KMT2A: variants seen among roughly 807,000 people sequenced by gnomAD.
KMT2A encodes lysine methyltransferase 2A, also known as histone-lysine N-methyltransferase 2A.
KMT2A carries 16 observed loss-of-function variants against 345.3 expected under a neutral mutation model. That is an observed-to-expected ratio of 0.05 (90% CI 0.03 to 0.07). KMT2A has a LOEUF of 0.07. Ranked by LOEUF, KMT2A falls within the 10% of genes least tolerant of loss-of-function variation. The probability of loss-of-function intolerance (pLI) is 1.00; values close to 1 mark genes in which losing one functional copy is unlikely to be tolerated. For synonymous variants in KMT2A, 1,599 were observed against 1,778.6 expected, an observed-to-expected ratio of 0.90 and a Z score of 2.54; for missense variants, 3,272 against 4,841.6, an observed-to-expected ratio of 0.68 and a Z score of 9.62.
At chr11:118,461,157 A>G (rs1229090124) in intron 1 of KMT2A, among the ~76,000 whole-genome samples, 4 of 152,176 alleles carry the variant, frequency 2.6e-5, no homozygotes, top group Non-Finnish European at 5.9e-5. Flanking sequence ...TTGTGGGAGA[A>G]ATATTCCTAT....
intron 1 of KMT2A, among the ~76,000 whole-genome samples, chr11:118,440,383 A>C (rs1020614735): frequency 6.6e-6 from 1 of 152,172 alleles, no homozygotes; most frequent in Non-Finnish European, 1.5e-5. Context: ...TAGTGTCAGT[A>C]TCCCATTTTT....
intron 15 of KMT2A, 110 bp from the exon 16 acceptor site, chr11:118,492,947 G>T: frequency 1.1e-5 from 9 of 814,574 alleles, no homozygotes; most frequent in South Asian, 2.2e-5. Flanking sequence ...ATGTTCCTTG[G>T]GTTTTACAAT....
Position 118,525,870 on chromosome 11 carries a change from C to T in KMT2A, c.*3698C>T. 1 of 223,268 alleles carries T rather than the reference C, an allele frequency of 4.5e-6. No individual in the cohort carries two copies. Among genetic ancestry groups the T allele is most frequent in the Non-Finnish European group, 8.9e-6 (1 of 112,210 alleles). 13.8% of individuals were successfully genotyped at this position (223,268 alleles called of 1,614,324 possible). A position where few individuals can be genotyped will look rare whatever the true frequency, so the allele number is the denominator to read the frequency against. ...ATGTTTCATTTCCTTCATTTTAAAG[C>T]AATACAAGGTTATGGAGCAGATGGT... On this transcript the variant is annotated 3_prime_UTR_variant, in exon 36 of 36. Transcript: ENST00000534358.
At chr11:118,508,720 CAAAA>C (rs35633621) in intron 28 of KMT2A, among the ~76,000 whole-genome samples, 2 of 93,354 alleles carry the variant, frequency 2.1e-5, no homozygotes. Flanking sequence ...GAACCTATCT[CAAAA>C]AAAAAAAAAA....
At chr11:118,443,997 G>A (rs528137662) in intron 1 of KMT2A, among the ~76,000 whole-genome samples, 16 of 152,298 alleles carry the variant, frequency 1.1e-4, no homozygotes, top group Admixed American at 3.9e-4. Flanking sequence ...AGATCCACTT[G>A]TATTATCTAT....
chr11:118,503,163 G>C lies in KMT2A; in HGVS notation c.7271G>C (p.Ser2424Thr), dbSNP rs1555046481. 2 of 1,613,910 alleles carry C rather than the reference G, an allele frequency of 1.2e-6. No individual in the cohort carries two copies. Among genetic ancestry groups the C allele is most frequent in the Non-Finnish European group, 8.5e-7 (1 of 1,180,014 alleles). ...ATTATCAACGAACATATGGGATCTA[G>C]TTCCAGAGATAGGAGACAGAAAGGG... ...SSIINEHMGS[S>T]SRDRRQKGKK... Residue 2424 changes from serine (S) to threonine (T), a missense_variant, in exon 27 of 36, where the codon AGT (serine) becomes ACT (threonine). Physicochemically the swap from Ser to Thr is moderately conservative, Grantham distance 58. Coordinates refer to ENST00000534358, the MANE Select transcript of KMT2A (RefSeq NM_001197104.2). This position sits in a 1 kb window ranked among gnomAD's most constrained non-coding sequence, Gnocchi z 5.3.
chr11:118,483,389 C>T (rs1344994809), intron 8 of KMT2A, among the ~76,000 whole-genome samples: 3 of 151,862 alleles, frequency 2.0e-5, no homozygotes, highest in Non-Finnish European at 4.4e-5. Context: ...AAAAATTAGC[C>T]CGGCGAGGTG....
intron 1 of KMT2A, among the ~76,000 whole-genome samples, chr11:118,442,323 T>G (rs2134172303): frequency 6.6e-6 from 1 of 152,342 alleles, no homozygotes; most frequent in South Asian, 2.1e-4. Context: ...GCATATGTTA[T>G]TTTCAGGGAT....
At position 118,499,286 on chromosome 11, in the gene KMT2A, C is replaced by T; in HGVS notation, c.5962-17C>T. On this transcript the variant is annotated splice_polypyrimidine_tract_variant and intron_variant, in intron 22 of 35. Transcript: ENST00000534358. ...AAAGGGACAGCCTATTAACAGCTAC[C>T]ATGGGTTTTATTTAAGGTGGTTCCT... is the stretch of plus-strand genomic sequence containing the variant. 6.6e-7 allele frequency: 1 copy of T among 1,516,090 alleles called. No individual in the cohort carries two copies. Among genetic ancestry groups the T allele is most frequent in the Non-Finnish European group, 9.2e-7 (1 of 1,090,590 alleles). The allele number at this position is 1,516,090 out of a possible 1,614,324, so 93.9% of individuals were successfully genotyped here. A position where few individuals can be genotyped will look rare whatever the true frequency, so the allele number is the denominator to read the frequency against.
At position 118,474,233 on chromosome 11, in the gene KMT2A, G is replaced by A. The variant is rs143349186; in HGVS notation, c.3074G>A (p.Ser1025Asn). ...CCAATGACTGACAAGAGGGTTGCCA[G>A]CCTCCTAAAAAAGGCCAAAGCTCAG... Reference protein sequence around the residue: ...KLPMTDKRVASLLKKAKAQLC... With the variant: ...KLPMTDKRVANLLKKAKAQLC... Residue 1025 changes from serine (S) to asparagine (N), a missense_variant, in exon 3 of 36, where the codon AGC (serine) becomes AAC (asparagine). By Grantham distance (46) the Ser-to-Asn change is conservative (BLOSUM62 1). This residue lies in a region of KMT2A where 39 missense variants were observed against 88.9 expected (regional missense o/e 0.44). Coordinates refer to ENST00000534358, the MANE Select transcript of KMT2A (RefSeq NM_001197104.2). The A allele has an allele frequency of 6.2e-7, 1 of 1,614,194 alleles. No individual in the cohort carries two copies.
At chr11:118,443,945 A>T (rs1197992401) in intron 1 of KMT2A, among the ~76,000 whole-genome samples, 3 of 152,232 alleles carry the variant, frequency 2.0e-5, no homozygotes, top group Non-Finnish European at 4.4e-5. Flanking sequence ...TCTTTCAGCA[A>T]CAAAAGATAT....
chr11:118,465,405 T>G (rs1418812270), intron 1 of KMT2A, among the ~76,000 whole-genome samples: 3 of 152,234 alleles, frequency 2.0e-5, no homozygotes, highest in African/African-American at 7.2e-5. Flanking sequence ...GAGATTATGT[T>G]GAGAAATAAA....
In KMT2A at chr11:118,472,795, T is replaced by C; in HGVS notation, c.1636T>C (p.Leu546=). The C allele has an allele frequency of 6.2e-7, 1 of 1,613,086 alleles. No homozygotes were observed. Among genetic ancestry groups the C allele is most frequent in the Non-Finnish European group, 8.5e-7 (1 of 1,179,858 alleles). Residue 546 remains leucine (L), a synonymous_variant, in exon 3 of 36, where the codon TTA becomes CTA. Transcript: ENST00000534358. The part of the protein sequence containing the change: ...RSFGSRTTKK[L]STLQSAPQQQ... ...TTTTGGATCTAGAACGACGAAAAAA[T>C]TATCAACTCTACAAAGTGCCCCCCA...
intron 7 of KMT2A, 26 bp downstream of exon 7, chr11:118,482,118 T>C: frequency 6.4e-7 from 1 of 1,571,038 alleles, no homozygotes; most frequent in South Asian, 1.2e-5. Flanking sequence ...AAGAAGGAAT[T>C]GCTGAACCAC....
intron 1 of KMT2A, among the ~76,000 whole-genome samples, chr11:118,460,585 C>G: frequency 6.6e-6 from 1 of 152,188 alleles, no homozygotes; most frequent in South Asian, 2.1e-4. Context: ...ACACCACACC[C>G]AGCCTTCAAG....
intron 6 of KMT2A, among the ~76,000 whole-genome samples, chr11:118,480,854 A>G (rs1318153522): frequency 6.6e-6 from 1 of 151,954 alleles, no homozygotes; most frequent in African/African-American, 2.4e-5. Flanking sequence ...TTTTGCAGAG[A>G]CACGATTTTG....
At chr11:118,456,624 C>A (rs982972820) in intron 1 of KMT2A, among the ~76,000 whole-genome samples, 1 of 152,150 alleles carries the variant, frequency 6.6e-6, no homozygotes, top group Non-Finnish European at 1.5e-5. Context: ...AGGCATGAGC[C>A]GCCGCGCCTG....
In KMT2A at chr11:118,474,094, A is replaced by G. The variant is rs782226053; in HGVS notation, c.2935A>G (p.Thr979Ala). ...AAAAACCAACTTGGACCTCGGCCCA[A>G]CTGCCCCATCCCTGGAGAAGGAGAA... ...LEKTNLDLGP[T>A]APSLEKEKTL... The change falls in exon 3 of 36, where the codon ACT becomes GCT. Residue 979 changes from threonine (T) to alanine (A), a missense_variant. Transcript: ENST00000534358. The G allele has an allele frequency of 6.8e-6, 11 of 1,614,058 alleles. No homozygotes were observed. Among genetic ancestry groups the G allele is most frequent in the Admixed American group, 6.7e-5 (4 of 59,994 alleles).
chr11:118,496,008 G>T lies in KMT2A; in HGVS notation c.5557+115G>T. 1.0e-6 allele frequency: 1 copy of T among 990,826 alleles called. No homozygotes were observed. Among genetic ancestry groups the T allele is most frequent in the South Asian group, 1.6e-5 (1 of 62,412 alleles). The allele number at this position is 990,826 out of a possible 1,614,324, so 61.4% of individuals were successfully genotyped here. A position where few individuals can be genotyped will look rare whatever the true frequency, so the allele number is the denominator to read the frequency against. On this transcript the variant is annotated intron_variant, in intron 19 of 35. Coordinates refer to ENST00000534358, the MANE Select transcript of KMT2A (RefSeq NM_001197104.2). This position sits in a 1 kb window ranked among gnomAD's most constrained non-coding sequence, Gnocchi z 4.7. ...TTGGATATCAGAAAGGAATTTTCAGGTCATCCTTAAATGTAATACCATCAT... is the reference window on the plus strand; with the variant it reads ...TTGGATATCAGAAAGGAATTTTCAGTTCATCCTTAAATGTAATACCATCAT...
Sources: gnomAD v4.1 joint callset for allele counts (sites outside exome capture counted in the v4.1 genomes callset) on GRCh38, gnomAD v4.1.1 for gene constraint, gnomAD v4.1.1 regional missense constraint, Gnocchi (gnomAD v3.1) non-coding constraint, MANE v1.5 for transcripts, NCBI Gene and HGNC (gene_info 2026-07-23, HGNC 2026-07-21) for gene names.